Variants in NMNAT2 observed in about 807,000 individuals in gnomAD.
NMNAT2 encodes nicotinamide nucleotide adenylyltransferase 2.
In NMNAT2, 11 loss-of-function variants were observed where a neutral mutation model predicts 41.6. The observed-to-expected ratio is 0.26, with a 90% confidence interval of 0.17 to 0.44. NMNAT2 has a LOEUF of 0.44. NMNAT2 is among the 20% of genes least tolerant of loss of function. NMNAT2 has a pLI of 1.00. For synonymous variants in NMNAT2, 148 were observed against 151.2 expected (o/e 0.98, Z 0.16); for missense variants, 288 against 407.7 (o/e 0.71, Z 2.53).
intron 1 of NMNAT2, among the ~76,000 whole-genome samples, chr1:183,324,894 G>T (rs977519187): frequency 5.3e-5 from 8 of 152,124 alleles, no homozygotes; most frequent in Admixed American, 1.3e-4. Context: ...CTAGCTCCTG[G>T]CACTGTGTGT....
At chr1:183,376,921 T>G (rs972209240) in intron 1 of NMNAT2, among the ~76,000 whole-genome samples, 13 of 152,160 alleles carry the variant, frequency 8.5e-5, no homozygotes, top group African/African-American at 3.1e-4. Context: ...AATAAGGTTC[T>G]CCTTGTGGAT....
chr1:183,380,557 C>T (rs1471730259), intron 1 of NMNAT2, among the ~76,000 whole-genome samples: 3 of 152,062 alleles, frequency 2.0e-5, no homozygotes, highest in South Asian at 2.1e-4. Flanking sequence ...GAGACACAAA[C>T]AAATGACTAT....
intron 1 of NMNAT2, among the ~76,000 whole-genome samples, chr1:183,371,691 TGA>T (rs1663547431): frequency 6.6e-6 from 1 of 152,228 alleles, no homozygotes; most frequent in Non-Finnish European, 1.5e-5. Context: ...TGAGCTCTGC[TGA>T]GTCTGCTGCT....
At chr1:183,304,871 T>C (rs201481566) in intron 1 of NMNAT2, 11 of 1,531,642 alleles carry the variant, frequency 7.2e-6, no homozygotes, top group Non-Finnish European at 9.6e-6. Context: ...TGGGAGAATT[T>C]GAATCCCTTT....
intron 1 of NMNAT2, chr1:183,304,518 A>T (rs1375134542): frequency 1.5e-6 from 1 of 654,780 alleles, no homozygotes; most frequent in Non-Finnish European, 2.6e-6. Context: ...GCATATAGGG[A>T]TCAGGCTGAT....
chr1:183,312,572 A>G (rs1009219536), intron 1 of NMNAT2, among the ~76,000 whole-genome samples: 1 of 150,598 alleles, frequency 6.6e-6, no homozygotes, highest in Non-Finnish European at 1.5e-5. Context: ...CAGTTCCTAA[A>G]AAAAAAAAAG....
chr1:183,381,875 C>T (rs1663809520), intron 1 of NMNAT2, among the ~76,000 whole-genome samples: 1 of 152,112 alleles, frequency 6.6e-6, no homozygotes, highest in Non-Finnish European at 1.5e-5. Flanking sequence ...AAAATCAAAG[C>T]AGAGAGAATA....
At chr1:183,391,787 C>G (rs950189236) in intron 1 of NMNAT2, among the ~76,000 whole-genome samples, 14 of 152,322 alleles carry the variant, frequency 9.2e-5, no homozygotes, top group African/African-American at 3.4e-4. Context: ...CTGTGCTCAC[C>G]TTACTTGTCC....
intron 8 of NMNAT2, among the ~76,000 whole-genome samples, chr1:183,273,189 A>G (rs753977139): frequency 3.9e-5 from 6 of 152,164 alleles, no homozygotes; most frequent in African/African-American, 7.2e-5. Context: ...TGTCCATAAA[A>G]CTTCTACCAC....
At chr1:183,403,126 G>A (rs1648860009) in intron 1 of NMNAT2, among the ~76,000 whole-genome samples, 1 of 151,868 alleles carries the variant, frequency 6.6e-6, no homozygotes, top group Admixed American at 6.6e-5. Flanking sequence ...TAGAGACGGG[G>A]TTTCACCATG....
At chr1:183,403,144 G>A (rs1405183438) in intron 1 of NMNAT2, among the ~76,000 whole-genome samples, 1 of 151,906 alleles carries the variant, frequency 6.6e-6, no homozygotes, top group African/African-American at 2.4e-5. Context: ...ATGTTGGCTA[G>A]GCTGGTCTCG....
At chr1:183,334,237 C>T (rs1055979692) in intron 1 of NMNAT2, among the ~76,000 whole-genome samples, 1 of 151,966 alleles carries the variant, frequency 6.6e-6, no homozygotes, top group Non-Finnish European at 1.5e-5. Context: ...CGACTAACTG[C>T]TGTATTTTTA....
At chr1:183,267,746 C>T (rs1660855949) in intron 8 of NMNAT2, among the ~76,000 whole-genome samples, 1 of 152,110 alleles carries the variant, frequency 6.6e-6, no homozygotes, top group Admixed American at 6.5e-5. Flanking sequence ...CCAGCACCTC[C>T]TGTCTTCATG....
At chr1:183,281,163 C>T (rs1661257754) in intron 7 of NMNAT2, among the ~76,000 whole-genome samples, 1 of 152,186 alleles carries the variant, frequency 6.6e-6, no homozygotes. Flanking sequence ...AAAGATTGGA[C>T]AGCCCTGAAT....
intron 4 of NMNAT2, among the ~76,000 whole-genome samples, chr1:183,289,345 T>G (rs72731413): frequency 0.038 from 5,854 of 152,242 alleles, 190 homozygotes; most frequent in Non-Finnish European, 0.06. Flanking sequence ...AGTGGATGGG[T>G]TGGCACTGAT....
chr1:183,284,168 T>A lies in NMNAT2; in HGVS notation c.530-129A>T. The A allele has an allele frequency of 4.0e-6, 3 of 746,810 alleles. No homozygotes were observed. In the South Asian group the frequency reaches 5.2e-5, roughly 13 times the overall value. The allele number at this position is 746,810 out of a possible 1,614,324, so 46.3% of individuals were successfully genotyped here. A position where few individuals can be genotyped will look rare whatever the true frequency, so the allele number is the denominator to read the frequency against. On this transcript the variant is annotated intron_variant, in intron 6 of 10. Coordinates refer to ENST00000287713, the MANE Select transcript of NMNAT2 (RefSeq NM_015039.4). ...GGTGGGTGCAAGTAGGGGTGTGGTG[T>A]GCCACCTGAGGAGGGTGAATGGAGA... is the stretch of plus-strand genomic sequence containing the variant.
intron 1 of NMNAT2, among the ~76,000 whole-genome samples, chr1:183,329,421 T>C (rs1270885289): frequency 6.6e-6 from 1 of 152,170 alleles, no homozygotes; most frequent in Non-Finnish European, 1.5e-5. Context: ...CCCATTAAAG[T>C]GTACATTCCT....
chr1:183,390,327 T>G (rs1648442986), intron 1 of NMNAT2, among the ~76,000 whole-genome samples: 2 of 152,300 alleles, frequency 1.3e-5, no homozygotes, highest in Middle Eastern at 3.4e-3. Flanking sequence ...AAAGTTACCT[T>G]CACACCCTAA....
At chr1:183,252,814 T>A in intron 10 of NMNAT2, 71 bp from the exon 11 acceptor site, 1 of 1,102,412 alleles carries the variant, frequency 9.1e-7, no homozygotes, top group Non-Finnish European at 1.4e-6. Context: ...GGCATGCCCC[T>A]GTCTCCCCAG....
Sources: allele counts gnomAD v4.1 joint callset (sites outside exome capture counted in the v4.1 genomes callset), GRCh38; gene constraint gnomAD v4.1.1; transcripts MANE v1.5; gene names NCBI Gene and HGNC (gene_info 2026-07-23, HGNC 2026-07-21).